GRIP2: variants seen among roughly 807,000 people sequenced by gnomAD.
GRIP2 encodes glutamate receptor-interacting protein 2.
In GRIP2, 58 loss-of-function variants were observed where a neutral mutation model predicts 108.3. The ratio of observed to expected loss-of-function variants is 0.54; its 90% CI spans 0.43 to 0.67. GRIP2 has a LOEUF of 0.67. GRIP2 is among the 30% of genes least tolerant of loss of function. GRIP2 has a pLI of 0.00. For missense variants in GRIP2, 1,278 were observed against 1,430.6 expected, an observed-to-expected ratio of 0.89 and a Z score of 1.72; for synonymous variants, 586 against 598.2, an observed-to-expected ratio of 0.98 and a Z score of 0.30.
upstream of GRIP2, among the ~76,000 whole-genome samples, chr3:14,544,057 G>C (rs1485517171): frequency 6.6e-6 from 1 of 152,330 alleles, no homozygotes; most frequent in East Asian, 1.9e-4. Context: ...AGAATTTCAA[G>C]GGAGCTAAGC....
intron 9 of GRIP2, 36 bp from the exon 10 acceptor site, chr3:14,517,933 G>C: frequency 6.7e-7 from 1 of 1,499,944 alleles, no homozygotes; most frequent in Non-Finnish European, 8.9e-7. Flanking sequence ...GAGAGGTGCA[G>C]GCGTTAGTGG....
chr3:14,525,812 C>G (rs1694539344), intron 2 of GRIP2, 39 bp downstream of exon 2: 2 of 1,544,380 alleles, frequency 1.3e-6, no homozygotes, highest in Non-Finnish European at 1.8e-6. Context: ...CTCTGTGCCT[C>G]CAGGGCAGAA....
Position 14,521,513 on chromosome 3 carries a change from A to C in GRIP2, c.712+129T>G. The stretch of plus-strand genomic sequence containing the variant: ...AGCACATACTATTTACTGCCCAGAG[A>C]AGCTGTGACTGGCCCAAGGTCATAA... On this transcript the variant is annotated intron_variant, in intron 7 of 23. Coordinates refer to ENST00000621039, the MANE Select transcript of GRIP2 (RefSeq NM_001080423.4). This position sits in a 1 kb window ranked among gnomAD's most constrained non-coding sequence, Gnocchi z 5.1. The C allele has an allele frequency of 1.0e-6, 1 of 964,902 alleles. No homozygotes were observed. The highest frequency in any genetic ancestry group is 1.8e-5 in the South Asian group (1 of 54,604). The allele number at this position is 964,902 out of a possible 1,614,324, so 59.8% of individuals were successfully genotyped here. A position where few individuals can be genotyped will look rare whatever the true frequency, so the allele number is the denominator to read the frequency against.
chr3:14,512,731 A>G lies in GRIP2; in HGVS notation c.1720+46T>C, dbSNP rs1448178367. ...GCTTGGCAAGCTCTTTTTCCCCAGC[A>G]GTTGAGCTCGCTCCCAGGGGCAAAC... On this transcript the variant is annotated intron_variant, in intron 14 of 23. Coordinates refer to ENST00000621039, the MANE Select transcript of GRIP2 (RefSeq NM_001080423.4). The surrounding 1 kb of genome is among the most constrained non-coding windows in gnomAD (Gnocchi z 5.1). The G allele has an allele frequency of 6.4e-7, 1 of 1,559,524 alleles. No homozygotes were observed. Among genetic ancestry groups the G allele is most frequent in the African/African-American group, 1.4e-5 (1 of 73,802 alleles).
chr3:14,504,052 A>G, intron 20 of GRIP2: 1 of 257,556 alleles, frequency 3.9e-6, no homozygotes, highest in South Asian at 5.1e-5. Context: ...GACACACGGC[A>G]CCGTGGGACA....
rs1694406216 is a variant in GRIP2 at position 14,521,499 on chromosome 3, T to G, written c.712+143A>C. 1.2e-6 allele frequency: 1 copy of G among 858,170 alleles called. No homozygotes were observed. The highest frequency in any genetic ancestry group is 1.7e-5 in the African/African-American group (1 of 58,022). 53.2% of individuals were successfully genotyped at this position (858,170 alleles called of 1,614,324 possible). A position where few individuals can be genotyped will look rare whatever the true frequency, so the allele number is the denominator to read the frequency against. On this transcript the variant is annotated intron_variant, in intron 7 of 23. Coordinates refer to ENST00000621039, the MANE Select transcript of GRIP2 (RefSeq NM_001080423.4). This position sits in a 1 kb window ranked among gnomAD's most constrained non-coding sequence, Gnocchi z 5.1. Reference sequence around the variant, plus strand: ...ATCAAACAATGCCTAGCACATACTATTTACTGCCCAGAGAAGCTGTGACTG... The same window carrying G: ...ATCAAACAATGCCTAGCACATACTAGTTACTGCCCAGAGAAGCTGTGACTG...
At position 14,525,586 on chromosome 3, in the gene GRIP2, G is replaced by C; in HGVS notation, c.122-14C>G. The C allele has an allele frequency of 6.2e-7, 1 of 1,613,622 alleles. No individual in the cohort carries two copies. The highest frequency in any genetic ancestry group is 8.5e-7 in the Non-Finnish European group (1 of 1,179,836). On this transcript the variant is annotated splice_polypyrimidine_tract_variant and intron_variant, in intron 2 of 23. Transcript: ENST00000621039. ...CTCGGAACTCCTCTGCCAACAGATG[G>C]GGATGGGGGCTTGAGCGGGCAGCTG...
At chr3:14,581,016 T>C in the GRIP2 span, among the ~76,000 whole-genome samples, 10 of 152,148 alleles carry the variant, frequency 6.6e-5, no homozygotes, top group Non-Finnish European at 1.0e-4. Context: ...AGCTCCACAA[T>C]TGCATGAGCC....
Position 14,513,646 on chromosome 3 carries a change from G to C in GRIP2, c.1639+19C>G. ...CAGGGCCCTGAAATATGAGGAGGAA[G>C]CTTGGGCCACTCACTCACCCGCCAC... On this transcript the variant is annotated intron_variant, in intron 13 of 23. Transcript: ENST00000621039. 6.3e-7 allele frequency: 1 copy of C among 1,592,236 alleles called. No homozygotes were observed. The highest frequency in any genetic ancestry group is 1.3e-5 in the African/African-American group (1 of 74,412).
Position 14,523,678 on chromosome 3 carries a change from T to C in GRIP2, c.424A>G (p.Ile142Val). Residue 142 changes from isoleucine to valine, a missense_variant, in exon 5 of 24, where the codon ATC (isoleucine) becomes GTC (valine). By Grantham distance (29) the Ile-to-Val change is conservative. Coordinates refer to ENST00000621039, the MANE Select transcript of GRIP2 (RefSeq NM_001080423.4). Reference sequence around the variant, plus strand: ...GAGACGTCCACTGTCTTTGAAATGATCCTGGGGTTATTCTCAGGAGCTGGG... The same window carrying C: ...GAGACGTCCACTGTCTTTGAAATGACCCTGGGGTTATTCTCAGGAGCTGGG... Reference protein sequence around the residue: ...PPPAPENNPRIISKTVDVSLY... With the variant: ...PPPAPENNPRVISKTVDVSLY... The C allele has an allele frequency of 6.2e-7, 1 of 1,611,666 alleles. No homozygotes were observed. Among genetic ancestry groups the C allele is most frequent in the Non-Finnish European group, 8.5e-7 (1 of 1,178,960 alleles).
chr3:14,550,286 C>T (rs1695124761), intron 1 of GRIP2, among the ~76,000 whole-genome samples: 1 of 152,248 alleles, frequency 6.6e-6, no homozygotes, highest in Admixed American at 6.5e-5. Context: ...TTCCTAATCC[C>T]TGTCTGCCAG....
At chr3:14,543,416 GACAGCTT>G (rs540077486), upstream of GRIP2, among the ~76,000 whole-genome samples, 1 of 152,184 alleles carries the variant, frequency 6.6e-6, no homozygotes, top group East Asian at 1.9e-4. Context: ...AGCGGGGTGA[GACAGCTT>G]TGCAAGCACC....
rs1693892241 is a variant in GRIP2 at position 14,505,433 on chromosome 3, C to T, written c.2573+182G>A. Among the ~76,000 whole-genome samples the T allele has an allele frequency of 6.6e-6, 1 of 152,192 alleles. No individual in the cohort carries two copies. On this transcript the variant is annotated intron_variant, in intron 20 of 23. Coordinates refer to ENST00000621039, the MANE Select transcript of GRIP2 (RefSeq NM_001080423.4). The surrounding 1 kb of genome is among the most constrained non-coding windows in gnomAD (Gnocchi z 4.2). ...CCCTGCCGTGCCCTCCACCAGTCTGCCCTTCCCTCCGTCTCAGCCTGGCTG... is the reference window on the plus strand; with the variant it reads ...CCCTGCCGTGCCCTCCACCAGTCTGTCCTTCCCTCCGTCTCAGCCTGGCTG...
intron 1 of GRIP2, among the ~76,000 whole-genome samples, chr3:14,554,993 C>A (rs908041225): frequency 6.6e-6 from 1 of 152,186 alleles, no homozygotes; most frequent in Non-Finnish European, 1.5e-5. Context: ...TCCACCACCT[C>A]CCTCCTCCCC....
chr3:14,562,272 C>T, the GRIP2 span, among the ~76,000 whole-genome samples: 2 of 152,152 alleles, frequency 1.3e-5, no homozygotes, highest in Non-Finnish European at 2.9e-5. Flanking sequence ...ATGAGCCTTT[C>T]TTGTAGTCTC....
chr3:14,536,803 G>A (rs933487235), intron 1 of GRIP2, among the ~76,000 whole-genome samples: 2 of 152,266 alleles, frequency 1.3e-5, no homozygotes, highest in Admixed American at 6.5e-5. Flanking sequence ...TCCCAATGGC[G>A]GCTGCCTGCA....
At position 14,511,553 on chromosome 3, in the gene GRIP2, G is replaced by C; in HGVS notation, c.1721-74C>G. ...GTGGGGTGGCGAAGCCCAGGGGTCT[G>C]AGTGTGGACTCGGAGCCACTGGTCC... On this transcript the variant is annotated intron_variant, in intron 14 of 23. Coordinates refer to ENST00000621039, the MANE Select transcript of GRIP2 (RefSeq NM_001080423.4). This position sits in a 1 kb window ranked among gnomAD's most constrained non-coding sequence, Gnocchi z 4.1. The C allele has an allele frequency of 1.4e-6, 2 of 1,430,790 alleles. No homozygotes were observed. The highest frequency in any genetic ancestry group is 2.3e-5 in the East Asian group (1 of 43,390). The allele number at this position is 1,430,790 out of a possible 1,614,324, so 88.6% of individuals were successfully genotyped here. A position where few individuals can be genotyped will look rare whatever the true frequency, so the allele number is the denominator to read the frequency against.
At chr3:14,599,575 G>A in the GRIP2 span, among the ~76,000 whole-genome samples, 1 of 151,766 alleles carries the variant, frequency 6.6e-6, no homozygotes, top group African/African-American at 2.4e-5. Context: ...CCAGAGCCTG[G>A]GGAGGGGGAG....
intron 21 of GRIP2, among the ~76,000 whole-genome samples, chr3:14,503,275 C>T (rs1686628258): frequency 6.6e-6 from 1 of 152,164 alleles, no homozygotes; most frequent in South Asian, 2.1e-4. Flanking sequence ...AGCATGTTCA[C>T]ATGCATGCAT....
Sources: gnomAD v4.1 joint callset for allele counts (sites outside exome capture counted in the v4.1 genomes callset) on GRCh38, gnomAD v4.1.1 for gene constraint, Gnocchi (gnomAD v3.1) non-coding constraint, MANE v1.5 for transcripts, NCBI Gene and HGNC (gene_info 2026-07-23, HGNC 2026-07-21) for gene names.